GNG4: variants seen among roughly 807,000 people sequenced by gnomAD.
GNG4 encodes G protein subunit gamma 4.
GNG4 carries 4 observed loss-of-function variants against 5.8 expected under a neutral mutation model. The observed-to-expected ratio is 0.69, with a 90% confidence interval of 0.34 to 1.57. The LOEUF is 1.57. GNG4 is among the 40% of genes most tolerant of loss of function. The pLI, the probability that GNG4 is intolerant of heterozygous loss-of-function variation, is 0.06. For missense variants in GNG4, 96 were observed against 95.1 expected, an observed-to-expected ratio of 1.01 and a Z score of -0.04; for synonymous variants, 29 against 32.9, an observed-to-expected ratio of 0.88 and a Z score of 0.41.
intron 3 of GNG4, among the ~76,000 whole-genome samples, chr1:235,554,150 A>T (rs1686832047): frequency 6.6e-6 from 1 of 152,194 alleles, no homozygotes; most frequent in Non-Finnish European, 1.5e-5. Flanking sequence ...TGGACACACA[A>T]GAGAATGGAA....
At chr1:235,553,243 G>A (rs997424171) in intron 3 of GNG4, among the ~76,000 whole-genome samples, 5 of 152,290 alleles carry the variant, frequency 3.3e-5, no homozygotes, top group South Asian at 2.1e-4. Flanking sequence ...GGCGGGGTGC[G>A]GACAAGCATT....
At chr1:235,636,148 G>C (rs1311027923) in intron 1 of GNG4, among the ~76,000 whole-genome samples, 1 of 152,158 alleles carries the variant, frequency 6.6e-6, no homozygotes, top group Non-Finnish European at 1.5e-5. Context: ...CTGAGAGACA[G>C]GGCTGGGCTG....
chr1:235,635,310 AACATGG>A (rs530642003), intron 1 of GNG4, among the ~76,000 whole-genome samples: 85 of 152,246 alleles, frequency 5.6e-4, no homozygotes, highest in African/African-American at 2.0e-3. Context: ...CAGCCTGACC[AACATGG>A]AGAAACCCTG....
In GNG4 at chr1:235,610,217, T is replaced by C. The variant is rs574506039; in HGVS notation, c.-122-14706A>G. ...CGTTATTTTGTAGAACACCCCTCAA[T>C]TCGGGCTTCTTTTCTGTCTCCTCAT... On this transcript the variant is annotated intron_variant, in intron 1 of 3. Coordinates refer to ENST00000391854, the MANE Select transcript of GNG4 (RefSeq NM_001098722.2). 1.8e-3 allele frequency among the ~76,000 whole-genome samples: 267 copies of C among 152,214 alleles called. 1 individual carries two copies. The highest frequency in any genetic ancestry group is 6.2e-3 in the African/African-American group (258 of 41,554).
chr1:235,638,166 G>A, intron 1 of GNG4, among the ~76,000 whole-genome samples: 1 of 152,190 alleles, frequency 6.6e-6, no homozygotes, highest in East Asian at 1.9e-4. Flanking sequence ...TGCAGGCCCT[G>A]GAGCCTGAAT....
At chr1:235,650,073 G>A (rs1657634293), upstream of GNG4, 1 of 150,508 alleles carries the variant, frequency 6.6e-6, no homozygotes, top group African/African-American at 2.4e-5. Flanking sequence ...TCACTGCTGC[G>A]TCACCGGGGC....
intron 1 of GNG4, among the ~76,000 whole-genome samples, chr1:235,597,628 GTAT>G (rs1688157319): frequency 4.1e-5 from 3 of 72,442 alleles, no homozygotes; most frequent in African/African-American, 1.2e-4. Flanking sequence ...GTGTGTGTGT[GTAT>G]TTTTTTTTTT....
At chr1:235,570,279 T>C (rs2774328) in intron 3 of GNG4, among the ~76,000 whole-genome samples, 112,387 of 151,960 alleles carry the variant, frequency 0.74, 42,884 homozygotes, top group African/African-American at 0.92. Context: ...GTCATCACTG[T>C]GGCTTTCCAC....
intron 3 of GNG4, among the ~76,000 whole-genome samples, chr1:235,563,191 G>A (rs1687110927): frequency 6.6e-6 from 1 of 152,008 alleles, no homozygotes; most frequent in African/African-American, 2.4e-5. Context: ...GGGAGGCTGA[G>A]GTGGGCGGGT....
At chr1:235,587,119 G>A (rs1359098071) in intron 2 of GNG4, among the ~76,000 whole-genome samples, 1 of 151,592 alleles carries the variant, frequency 6.6e-6, no homozygotes, top group Non-Finnish European at 1.5e-5. Context: ...GTGTGAGGGA[G>A]TCTGTGGTGA....
chr1:235,595,567 C>CCAATGGGGA (rs1307987433), intron 1 of GNG4, 56 bp from the exon 2 acceptor site: 1 of 152,280 alleles, frequency 6.6e-6, no homozygotes, highest in Non-Finnish European at 1.5e-5. Flanking sequence ...GGCATTGCTC[C>CCAATGGGGA]CAGAGTCCCC....
intron 1 of GNG4, among the ~76,000 whole-genome samples, chr1:235,641,153 A>C (rs1486717107): frequency 6.6e-6 from 1 of 152,194 alleles, no homozygotes; most frequent in African/African-American, 2.4e-5. Flanking sequence ...TGGGAGGCCG[A>C]AGTGGGAGGA....
chr1:235,635,007 T>C (rs1346944585), intron 1 of GNG4, among the ~76,000 whole-genome samples: 1 of 152,074 alleles, frequency 6.6e-6, no homozygotes, highest in Non-Finnish European at 1.5e-5. Context: ...AGGAAGGCAA[T>C]ACAAAGCCGG....
At position 235,590,453 on chromosome 1, in the gene GNG4, GA is replaced by G. The variant is rs202077233; in HGVS notation, c.-11+4946del. Reference sequence around the variant, plus strand: ...CTGGGTGACAGAGTGAGACTGTCTGGAAAAAAAAAGAAGGTGGAGAGGTAAC... The same window carrying G: ...CTGGGTGACAGAGTGAGACTGTCTGGAAAAAAAAGAAGGTGGAGAGGTAAC... On this transcript the variant is annotated intron_variant, in intron 2 of 3. Coordinates refer to ENST00000391854, the MANE Select transcript of GNG4 (RefSeq NM_001098722.2). 2.0e-5 allele frequency among the ~76,000 whole-genome samples: 3 copies of G among 150,150 alleles called. 1 individual carries two copies. Among genetic ancestry groups the G allele is most frequent in the Non-Finnish European group, 4.4e-5 (3 of 67,488 alleles).
intron 3 of GNG4, among the ~76,000 whole-genome samples, chr1:235,556,734 C>T (rs291355): frequency 0.66 from 99,471 of 151,544 alleles, 33,479 homozygotes; most frequent in East Asian, 0.85. Context: ...TTATCGTACA[C>T]TTTATTTCTG....
chr1:235,623,360 G>T (rs768925964), intron 1 of GNG4, among the ~76,000 whole-genome samples: 11 of 152,258 alleles, frequency 7.2e-5, no homozygotes, highest in Non-Finnish European at 1.2e-4. Context: ...CTGCAGCCCT[G>T]CTCTTGGGCC....
At chr1:235,594,062 A>T (rs934208069) in intron 2 of GNG4, among the ~76,000 whole-genome samples, 1 of 152,152 alleles carries the variant, frequency 6.6e-6, no homozygotes. Flanking sequence ...GTCCGTTTTG[A>T]CAGGGTGCTG....
At chr1:235,588,061 C>G (rs568746406) in intron 2 of GNG4, among the ~76,000 whole-genome samples, 5 of 151,908 alleles carry the variant, frequency 3.3e-5, no homozygotes, top group Non-Finnish European at 7.4e-5. Flanking sequence ...TCTCTCCCTC[C>G]CAGGCGCTGT....
chr1:235,584,805 G>A (rs1236866138), intron 2 of GNG4, among the ~76,000 whole-genome samples: 1 of 152,198 alleles, frequency 6.6e-6, no homozygotes, highest in African/African-American at 2.4e-5. Flanking sequence ...GGCTCCCAAA[G>A]GTACAGATGA....
Sources: allele counts gnomAD v4.1 joint callset (sites outside exome capture counted in the v4.1 genomes callset), GRCh38; gene constraint gnomAD v4.1.1; transcripts MANE v1.5; gene names NCBI Gene and HGNC (gene_info 2026-07-23, HGNC 2026-07-21).